Variants in GRIP1 observed in about 807,000 individuals in gnomAD.
GRIP1 encodes the protein glutamate receptor interacting protein 1, also known as glutamate receptor-interacting protein 1.
A neutral mutation model predicts 129.9 loss-of-function variants in GRIP1; 45 were observed. That is an observed-to-expected ratio of 0.35 (90% confidence interval 0.27 to 0.44). GRIP1 has a LOEUF of 0.44. GRIP1 is among the 20% of genes least tolerant of loss of function. The pLI is 1.00. For synonymous variants in GRIP1, 530 were observed against 520.8 expected, an observed-to-expected ratio of 1.02 and a Z score of -0.24; for missense variants, 1,196 against 1,396.8, an observed-to-expected ratio of 0.86 and a Z score of 2.29.
At position 66,635,933 on chromosome 12, in the gene GRIP1, A is replaced by G. The variant is rs1436754113; in HGVS notation, c.56-39006T>C. 3.3e-5 allele frequency among the ~76,000 whole-genome samples: 5 copies of G among 152,292 alleles called. No homozygotes were observed. In the South Asian group the frequency reaches 8.3e-4, roughly 25 times the overall value. ...ACCCTTAGTCTAATTTAAAGCAGGAACTCAAAGAGACATTTGTACACCCGT... is the reference window on the plus strand; with the variant it reads ...ACCCTTAGTCTAATTTAAAGCAGGAGCTCAAAGAGACATTTGTACACCCGT... On this transcript the variant is annotated intron_variant, in intron 1 of 24. Coordinates refer to ENST00000359742, the MANE Select transcript of GRIP1 (RefSeq NM_001366722.1).
chr12:66,903,557 T>C (rs1231187595), intron 1 of GRIP1, among the ~76,000 whole-genome samples: 1 of 152,154 alleles, frequency 6.6e-6, no homozygotes, highest in East Asian at 1.9e-4. Context: ...ATGAAATTCT[T>C]GAGGTTAAGT....
intron 1 of GRIP1, among the ~76,000 whole-genome samples, chr12:66,770,905 C>A (rs975620756): frequency 3.3e-5 from 5 of 152,056 alleles, no homozygotes; most frequent in Admixed American, 6.6e-5. Flanking sequence ...ACCAGCCTGG[C>A]CAACATGGTG....
intron 9 of GRIP1, among the ~76,000 whole-genome samples, chr12:66,457,542 G>C (rs1327883296): frequency 6.6e-6 from 1 of 152,160 alleles, no homozygotes; most frequent in Non-Finnish European, 1.5e-5. Context: ...TAAGGCATGA[G>C]CCACCATGCC....
chr12:66,453,866 T>G (rs1323156753), intron 11 of GRIP1, among the ~76,000 whole-genome samples: 1 of 152,188 alleles, frequency 6.6e-6, no homozygotes, highest in African/African-American at 2.4e-5. Context: ...GAGTCTAGGC[T>G]TATAACCAGT....
chr12:66,515,674 A>G lies in GRIP1; in HGVS notation c.669T>C (p.Leu223=). ...GTTHAEAMSI[L]KQCGQEAALL... is the part of the protein sequence containing the mutation. ...GTGCTGCTTCTTGTCCACATTGTTTAAGAATACTCATGGCTTCAGCATGCG... is the reference window on the plus strand; with the variant it reads ...GTGCTGCTTCTTGTCCACATTGTTTGAGAATACTCATGGCTTCAGCATGCG... The change falls in exon 7 of 25, where the codon CTT becomes CTC. Residue 223 remains leucine, a synonymous_variant. Transcript: ENST00000359742. The G allele has an allele frequency of 1.2e-6, 2 of 1,613,516 alleles. No homozygotes were observed. Among genetic ancestry groups the G allele is most frequent in the Non-Finnish European group, 1.7e-6 (2 of 1,179,470 alleles).
At chr12:66,803,617 A>G (rs927593510) in intron 1 of GRIP1, among the ~76,000 whole-genome samples, 1 of 152,356 alleles carries the variant, frequency 6.6e-6, no homozygotes, top group Non-Finnish European at 1.5e-5. Context: ...TTAATCACAG[A>G]TAACTGTCTA....
At chr12:66,831,941 C>A (rs2039526780) in intron 1 of GRIP1, among the ~76,000 whole-genome samples, 2 of 152,098 alleles carry the variant, frequency 1.3e-5, no homozygotes, top group African/African-American at 4.8e-5. Context: ...GTGTTTGTAA[C>A]CATTTTTATT....
chr12:66,953,892 T>A (rs2041799027), intron 1 of GRIP1, among the ~76,000 whole-genome samples: 1 of 152,068 alleles, frequency 6.6e-6, no homozygotes, highest in South Asian at 2.1e-4. Context: ...CTTTCTCAGC[T>A]CCTCTAGTAA....
chr12:66,921,595 A>G lies in GRIP1; in HGVS notation c.58+147455T>C, dbSNP rs61918781. On this transcript the variant is annotated intron_variant, in intron 1 of 1. Coordinates refer to the GRIP1 transcript ENST00000643019. ...ATGGGGCACCCACAGGTGGCCTGAC[A>G]TCACTGACTGCACCCACTCACTCAT... 1.2e-3 allele frequency among the ~76,000 whole-genome samples: 186 copies of G among 152,326 alleles called. No homozygotes were observed. The Middle Eastern group carries it at 0.02, about 17-fold the overall frequency.
chr12:66,493,407 T>G (rs2138692442), intron 7 of GRIP1, among the ~76,000 whole-genome samples: 1 of 152,294 alleles, frequency 6.6e-6, no homozygotes, highest in East Asian at 1.9e-4. Flanking sequence ...GTATATGCCT[T>G]CAGGAGCATG....
At chr12:66,602,227 T>G (rs1021787780) in intron 1 of GRIP1, among the ~76,000 whole-genome samples, 2 of 152,164 alleles carry the variant, frequency 1.3e-5, no homozygotes, top group Non-Finnish European at 2.9e-5. Flanking sequence ...TTCTCTCCCA[T>G]AGACACCAGC....
At chr12:66,893,247 CTTTATT>C (rs956586380) in intron 1 of GRIP1, among the ~76,000 whole-genome samples, 1 of 151,818 alleles carries the variant, frequency 6.6e-6, no homozygotes, top group Non-Finnish European at 1.5e-5. Flanking sequence ...TTTGATATCT[CTTTATT>C]TTTATTATTT....
chr12:66,967,094 T>C (rs1456537694), intron 1 of GRIP1, among the ~76,000 whole-genome samples: 1 of 152,236 alleles, frequency 6.6e-6, no homozygotes, highest in Non-Finnish European at 1.5e-5. Flanking sequence ...TCTTTTCTAA[T>C]GTAAGCATTT....
At chr12:66,944,465 T>C (rs551264485) in intron 1 of GRIP1, among the ~76,000 whole-genome samples, 1 of 151,670 alleles carries the variant, frequency 6.6e-6, no homozygotes, top group East Asian at 1.9e-4. Flanking sequence ...TTTACATTTT[T>C]GACAGGGCAC....
At chr12:66,602,797 A>G (rs7136924) in intron 1 of GRIP1, among the ~76,000 whole-genome samples, 20,877 of 148,590 alleles carry the variant, frequency 0.14, 1,605 homozygotes, top group Middle Eastern at 0.2. Flanking sequence ...TCATTGTTTC[A>G]TAATTCAGAC....
intron 1 of GRIP1, among the ~76,000 whole-genome samples, chr12:66,970,676 G>T (rs1410271454): frequency 6.6e-6 from 1 of 151,628 alleles, no homozygotes; most frequent in East Asian, 2.0e-4. Flanking sequence ...GAGCCCTGTT[G>T]CTGTGGTGGT....
At chr12:66,892,103 G>A (rs1208012742) in intron 1 of GRIP1, 1 of 152,880 alleles carries the variant, frequency 6.5e-6, no homozygotes, top group Non-Finnish European at 1.5e-5. Context: ...CACAAGGGCA[G>A]AAGTGGTGTC....
intron 1 of GRIP1, among the ~76,000 whole-genome samples, chr12:66,676,168 C>A (rs2034318531): frequency 1.3e-5 from 2 of 151,902 alleles, no homozygotes; most frequent in African/African-American, 4.8e-5. Context: ...TTGTCCCAGC[C>A]CAGAATTCTA....
At chr12:66,469,943 C>A (rs1305056332) in intron 7 of GRIP1, among the ~76,000 whole-genome samples, 1 of 152,164 alleles carries the variant, frequency 6.6e-6, no homozygotes, top group Non-Finnish European at 1.5e-5. Flanking sequence ...ACGCTGCCCT[C>A]CATCACACAG....
Sources: allele counts gnomAD v4.1 joint callset (sites outside exome capture counted in the v4.1 genomes callset), GRCh38; gene constraint gnomAD v4.1.1; transcripts MANE v1.5; gene names NCBI Gene and HGNC (gene_info 2026-07-23, HGNC 2026-07-21).